ARID5B: variants seen among roughly 807,000 people sequenced by gnomAD.
The protein encoded by ARID5B is AT-rich interaction domain 5B.
In ARID5B, 13 loss-of-function variants were observed where a neutral mutation model predicts 97.2. That is an observed-to-expected ratio of 0.13 (90% CI 0.09 to 0.21). The LOEUF is 0.21. Ranked by LOEUF, ARID5B falls within the 10% of genes least tolerant of loss-of-function variation. The pLI, the probability that ARID5B is intolerant of heterozygous loss-of-function variation, is 1.00. For synonymous variants in ARID5B, 556 were observed against 570.3 expected, an observed-to-expected ratio of 0.97 and a Z score of 0.36; for missense variants, 1,210 against 1,465.3, an observed-to-expected ratio of 0.83 and a Z score of 2.84.
Position 61,961,453 on chromosome 10 carries a change from C to T in ARID5B, c.502+21045C>T, listed in dbSNP as rs1035109137. 9.2e-5 allele frequency among the ~76,000 whole-genome samples: 14 copies of T among 152,290 alleles called. No homozygotes were observed. The South Asian group carries it at 1.7e-3, about 18-fold the overall frequency. Reference sequence around the variant, plus strand: ...AGACCTTCTGAGACCATGCAAGCCTCGTGTCAACAACAAGCTAGAAAGGGT... The same window carrying T: ...AGACCTTCTGAGACCATGCAAGCCTTGTGTCAACAACAAGCTAGAAAGGGT... On this transcript the variant is annotated intron_variant, in intron 3 of 9. Coordinates refer to ENST00000279873, the MANE Select transcript of ARID5B (RefSeq NM_032199.3).
At chr10:62,029,440 T>A (rs2132902569) in intron 4 of ARID5B, among the ~76,000 whole-genome samples, 1 of 152,330 alleles carries the variant, frequency 6.6e-6, no homozygotes, top group Non-Finnish European at 1.5e-5. Context: ...TGTCTTTGAT[T>A]GGAATTAACC....
intron 4 of ARID5B, among the ~76,000 whole-genome samples, chr10:62,038,926 C>A (rs1839599147): frequency 2.0e-5 from 3 of 152,196 alleles, no homozygotes; most frequent in African/African-American, 7.2e-5. Flanking sequence ...GGATTTATTT[C>A]TCCACCTTCC....
rs1210330333 is a variant in ARID5B, at chr10:62,000,208, C to T, written c.620C>T (p.Ala207Val). ...TCTTCCATTCTAACGGACCAGTTTG[C>T]ATTGGCCCTGGGGGGCATTGCAGTG... ...KPSSILTDQF[A>V]LALGGIAVVS... The change falls in exon 4 of 10, where the codon GCA becomes GTA. Residue 207 changes from alanine (A) to valine (V), a missense_variant. Around this residue, in one of 8 missense-constraint regions of ARID5B, gnomAD observed 132 missense variants for 156.7 expected, o/e 0.84. Transcript: ENST00000279873. The surrounding 1 kb of genome is among the most constrained non-coding windows in gnomAD (Gnocchi z 4.4). 34 of 1,613,938 alleles carry T rather than the reference C, an allele frequency of 2.1e-5. No individual in the cohort carries two copies. The highest frequency in any genetic ancestry group is 4.0e-5 in the African/African-American group (3 of 74,932).
intron 4 of ARID5B, among the ~76,000 whole-genome samples, chr10:62,041,766 A>G (rs1392444776): frequency 1.3e-5 from 2 of 152,224 alleles, no homozygotes; most frequent in East Asian, 3.8e-4. Context: ...TCAATGATGA[A>G]ATGGAATATC....
chr10:62,081,617 C>G (rs1840214946), intron 8 of ARID5B, among the ~76,000 whole-genome samples: 1 of 152,150 alleles, frequency 6.6e-6, no homozygotes, highest in Non-Finnish European at 1.5e-5. Context: ...TGCAAGGCTG[C>G]TGGTTTTTGT....
rs937426360 is a variant in ARID5B at position 62,095,553 on chromosome 10, G to T, written c.*2523G>T. 6 of 233,542 alleles carry T rather than the reference G, an allele frequency of 2.6e-5. No homozygotes were observed. The highest frequency in any genetic ancestry group is 1.3e-4 in the African/African-American group (6 of 45,346). The allele number at this position is 233,542 out of a possible 1,614,324, so 14.5% of individuals were successfully genotyped here. A position where few individuals can be genotyped will look rare whatever the true frequency, so the allele number is the denominator to read the frequency against. ...GTTTTTCTCATCTCTTCTGAGAGGA[G>T]ACTCACTGTTTCTGTCTGAGGAAGC... On this transcript the variant is annotated 3_prime_UTR_variant, in exon 10 of 10. Coordinates refer to ENST00000279873, the MANE Select transcript of ARID5B (RefSeq NM_032199.3).
chr10:62,055,082 A>C (rs1442914165), intron 5 of ARID5B, among the ~76,000 whole-genome samples: 1 of 151,796 alleles, frequency 6.6e-6, no homozygotes, highest in Non-Finnish European at 1.5e-5. Flanking sequence ...CACATTGGAA[A>C]CCCCCTAGAT....
In ARID5B at chr10:62,093,316, T is replaced by C. The variant is rs1310312749; in HGVS notation, c.*286T>C. On this transcript the variant is annotated 3_prime_UTR_variant, in exon 10 of 10. Transcript: ENST00000279873. The stretch of plus-strand genomic sequence containing the variant: ...TGGGCCTTGTGAAGGGATTTGTGAA[T>C]ATCCAGGAAGAACTTAGAGGACCCC... 3.0e-6 allele frequency: 1 copy of C among 335,262 alleles called. No individual in the cohort carries two copies. The highest frequency in any genetic ancestry group is 5.4e-6 in the Non-Finnish European group (1 of 184,880). The allele number at this position is 335,262 out of a possible 1,614,324, so 20.8% of individuals were successfully genotyped here.
intron 4 of ARID5B, among the ~76,000 whole-genome samples, chr10:62,014,705 C>T (rs188642331): frequency 2.6e-5 from 4 of 152,138 alleles, no homozygotes; most frequent in East Asian, 3.9e-4. Context: ...AATGTCGGAC[C>T]GGTTTTTGCA....
Position 62,093,134 on chromosome 10 carries a change from T to G in ARID5B, c.*104T>G, listed in dbSNP as rs747820088. 12 of 1,475,658 alleles carry G rather than the reference T, an allele frequency of 8.1e-6. No homozygotes were observed. The highest frequency in any genetic ancestry group is 1.1e-5 in the Non-Finnish European group (12 of 1,111,762). 91.4% of individuals were successfully genotyped at this position (1,475,658 alleles called of 1,614,324 possible). A position where few individuals can be genotyped will look rare whatever the true frequency, so the allele number is the denominator to read the frequency against. ...TTAGAAGTCAGTATTTCTTCTAATC[T>G]GAGGCTATGATCAGTCCCAGCTGTA... is the stretch of plus-strand genomic sequence containing the variant. On this transcript the variant is annotated 3_prime_UTR_variant, in exon 10 of 10. Coordinates refer to ENST00000279873, the MANE Select transcript of ARID5B (RefSeq NM_032199.3).
At chr10:62,022,501 G>A (rs1427954389) in intron 4 of ARID5B, among the ~76,000 whole-genome samples, 2 of 152,192 alleles carry the variant, frequency 1.3e-5, no homozygotes, top group Non-Finnish European at 2.9e-5. Flanking sequence ...CTGGGATTCA[G>A]TCGGTGAGGT....
chr10:61,925,464 A>G lies in ARID5B; in HGVS notation c.277-14719A>G, dbSNP rs543529301. Among the ~76,000 whole-genome samples, 8 of 152,290 alleles carry G rather than the reference A, an allele frequency of 5.3e-5. 1 individual carries two copies. In the South Asian group the frequency reaches 1.2e-3, roughly 24 times the overall value. On this transcript the variant is annotated intron_variant, in intron 2 of 9. Coordinates refer to ENST00000279873, the MANE Select transcript of ARID5B (RefSeq NM_032199.3). ...AAAGGAGTTAAAAAAAAAATAGACCATGGAGTTTACACCCTATTAATTTGG... is the reference window on the plus strand; with the variant it reads ...AAAGGAGTTAAAAAAAAAATAGACCGTGGAGTTTACACCCTATTAATTTGG...
At chr10:62,032,483 T>G (rs1248640352) in intron 4 of ARID5B, among the ~76,000 whole-genome samples, 1 of 152,154 alleles carries the variant, frequency 6.6e-6, no homozygotes, top group African/African-American at 2.4e-5. Context: ...TTTGGGAGGC[T>G]GAGGCGGCAG....
chr10:62,056,410 C>T lies in ARID5B; in HGVS notation c.847-707C>T, dbSNP rs560618516. On this transcript the variant is annotated intron_variant, in intron 5 of 9. Coordinates refer to ENST00000279873, the MANE Select transcript of ARID5B (RefSeq NM_032199.3). ...TTGTTTCCTACTGAGGGTGTACCCC[C>T]GCATCACTCTTGGGTGGCAAACAGC... Among the ~76,000 whole-genome samples the T allele has an allele frequency of 6.6e-5, 10 of 152,204 alleles. No homozygotes were observed. In the East Asian group the frequency reaches 9.7e-4, roughly 15 times the overall value.
intron 4 of ARID5B, chr10:62,024,890 T>C: frequency 2.9e-6 from 1 of 348,622 alleles, no homozygotes; most frequent in Non-Finnish European, 5.2e-6. Context: ...CACTTAGGAA[T>C]AGACAAGTAT....
intron 3 of ARID5B, among the ~76,000 whole-genome samples, chr10:61,965,287 C>A (rs1322255951): frequency 6.6e-6 from 1 of 152,022 alleles, no homozygotes; most frequent in Non-Finnish European, 1.5e-5. Context: ...CTTTGAATAT[C>A]CCTCTTTAAA....
intron 4 of ARID5B, among the ~76,000 whole-genome samples, chr10:62,027,035 G>A (rs1316077408): frequency 6.6e-6 from 1 of 152,196 alleles, no homozygotes. Flanking sequence ...TTGTATCACA[G>A]TGACAAGGTC....
chr10:62,028,502 G>A (rs2132900968), intron 4 of ARID5B, among the ~76,000 whole-genome samples: 1 of 152,202 alleles, frequency 6.6e-6, no homozygotes, highest in African/African-American at 2.4e-5. Flanking sequence ...ATGAACTCTG[G>A]ATCTCAGTCT....
At chr10:62,001,931 C>G (rs920717715) in intron 4 of ARID5B, among the ~76,000 whole-genome samples, 1 of 152,106 alleles carries the variant, frequency 6.6e-6, no homozygotes, top group South Asian at 2.1e-4. Flanking sequence ...TTACAATGCC[C>G]TCTCTTTTCA....
Sources: gnomAD v4.1 joint callset for allele counts (sites outside exome capture counted in the v4.1 genomes callset) on GRCh38, gnomAD v4.1.1 for gene constraint, gnomAD v4.1.1 regional missense constraint, Gnocchi (gnomAD v3.1) non-coding constraint, MANE v1.5 for transcripts, NCBI Gene and HGNC (gene_info 2026-07-23, HGNC 2026-07-21) for gene names.